VPS35L: variants seen among roughly 807,000 people sequenced by gnomAD.
VPS35L encodes VPS35 endosomal protein sorting factor like.
In VPS35L, 83 loss-of-function variants were observed where a neutral mutation model predicts 133.0. That is an observed-to-expected ratio of 0.62 (90% CI 0.52 to 0.75). VPS35L has a LOEUF of 0.75. VPS35L is among the 30% of genes least tolerant of loss of function. The pLI, the probability that VPS35L is intolerant of heterozygous loss-of-function variation, is 0.00. For missense variants in VPS35L, 1,083 were observed against 1,206.8 expected, an observed-to-expected ratio of 0.90 and a Z score of 1.52; for synonymous variants, 423 against 449.9, an observed-to-expected ratio of 0.94 and a Z score of 0.76.
chr16:19,674,426 GC>G (rs1462302860), intron 27 of VPS35L, among the ~76,000 whole-genome samples: 1 of 151,640 alleles, frequency 6.6e-6, no homozygotes, highest in African/African-American at 2.4e-5. Flanking sequence ...GAACTCCTGA[GC>G]TCAAGTGATC....
intron 19 of VPS35L, among the ~76,000 whole-genome samples, chr16:19,636,602 C>G (rs996433930): frequency 1.3e-5 from 2 of 152,164 alleles, no homozygotes; most frequent in Non-Finnish European, 2.9e-5. Flanking sequence ...CTTGACTGAC[C>G]TAGTAAGCTG....
intron 9 of VPS35L, among the ~76,000 whole-genome samples, chr16:19,602,728 C>T (rs1036061478): frequency 1.3e-5 from 2 of 152,008 alleles, no homozygotes; most frequent in African/African-American, 4.8e-5. Flanking sequence ...TCACCCTCCT[C>T]AGTAGCTGGG....
chr16:19,639,898 C>A lies in VPS35L; in HGVS notation c.1699-117C>A. On this transcript the variant is annotated intron_variant, in intron 20 of 30. Coordinates refer to ENST00000417362, the MANE Select transcript of VPS35L (RefSeq NM_020314.7). This position sits in a 1 kb window ranked among gnomAD's most constrained non-coding sequence, Gnocchi z 4.1. ...TCAGAGGAGTCCTCATCTGACCCGA[C>A]TCAGAGAGATGAACCTCTGTTCTGC... is the stretch of plus-strand genomic sequence containing the variant. The A allele has an allele frequency of 1.2e-6, 1 of 842,806 alleles. No individual in the cohort carries two copies. The highest frequency in any genetic ancestry group is 1.9e-6 in the Non-Finnish European group (1 of 536,080). 52.2% of individuals were successfully genotyped at this position (842,806 alleles called of 1,614,324 possible). A position where few individuals can be genotyped will look rare whatever the true frequency, so the allele number is the denominator to read the frequency against.
Position 19,573,117 on chromosome 16 carries a change from A to G in VPS35L, c.286-2A>G. ...TGAAGAGATTATCTTGCCTTTCTTTAGGACAGCTCCAGAAGGAAACGTGAT... is the reference window on the plus strand; with the variant it reads ...TGAAGAGATTATCTTGCCTTTCTTTGGGACAGCTCCAGAAGGAAACGTGAT... On this transcript the variant is annotated splice_acceptor_variant, in intron 3 of 30. Transcript: ENST00000417362. LOFTEE classifies it high-confidence loss of function. The G allele has an allele frequency of 6.2e-7, 1 of 1,613,098 alleles. No individual in the cohort carries two copies. The highest frequency in any genetic ancestry group is 8.5e-7 in the Non-Finnish European group (1 of 1,179,470).
intron 29 of VPS35L, among the ~76,000 whole-genome samples, chr16:19,693,486 A>C (rs1188120546): frequency 2.0e-5 from 3 of 152,068 alleles, no homozygotes; most frequent in Admixed American, 1.3e-4. Flanking sequence ...ATTAAAAAAA[A>C]AATTAAAAAT....
chr16:19,662,075 C>T (rs149042362), intron 26 of VPS35L, among the ~76,000 whole-genome samples: 62 of 152,182 alleles, frequency 4.1e-4, no homozygotes, highest in African/African-American at 1.2e-3. Flanking sequence ...TGATGGCGCA[C>T]GCCTGTAGTC....
chr16:19,699,365 C>A lies in VPS35L; in HGVS notation c.2647-137C>A. 9.1e-7 allele frequency: 1 copy of A among 1,101,294 alleles called. No homozygotes were observed. Among genetic ancestry groups the A allele is most frequent in the Non-Finnish European group, 1.3e-6 (1 of 776,100 alleles). The allele number at this position is 1,101,294 out of a possible 1,614,324, so 68.2% of individuals were successfully genotyped here. A position where few individuals can be genotyped will look rare whatever the true frequency, so the allele number is the denominator to read the frequency against. ...GGACTTTGGGAGGTTCAGCAGCTTG[C>A]CCTACAGCAAATACATGGCAGAGCT... On this transcript the variant is annotated intron_variant, in intron 29 of 30. Coordinates refer to ENST00000417362, the MANE Select transcript of VPS35L (RefSeq NM_020314.7). The surrounding 1 kb of genome is among the most constrained non-coding windows in gnomAD (Gnocchi z 4.2).
At position 19,587,589 on chromosome 16, in the gene VPS35L, G is replaced by A. The variant is rs892421516; in HGVS notation, c.640-4201G>A. The stretch of plus-strand genomic sequence containing the variant: ...GCGGAGGTTGCGGTGAGCCAAGATC[G>A]TGCCATTGCACTCCAGCCTGGGCAA... On this transcript the variant is annotated intron_variant, in intron 7 of 30. Coordinates refer to ENST00000417362, the MANE Select transcript of VPS35L (RefSeq NM_020314.7). Among the ~76,000 whole-genome samples the A allele has an allele frequency of 6.0e-5, 9 of 150,142 alleles. No homozygotes were observed. In the South Asian group the frequency reaches 1.1e-3, roughly 18 times the overall value.
rs1199142898 is a variant in VPS35L at position 19,628,626 on chromosome 16, AT to A, written c.1384-10del. 6.9e-7 allele frequency: 1 copy of A among 1,445,274 alleles called. No individual in the cohort carries two copies. The highest frequency in any genetic ancestry group is 1.8e-5 in the Admixed American group (1 of 54,866). 89.5% of individuals were successfully genotyped at this position (1,445,274 alleles called of 1,614,324 possible). On this transcript the variant is annotated splice_polypyrimidine_tract_variant and intron_variant, in intron 16 of 30. Coordinates refer to ENST00000417362, the MANE Select transcript of VPS35L (RefSeq NM_020314.7). ...AATTTCCATAACATGATGGTTTGACATGTTTCTTAGCATCTTCTTTTTCGAT... is the reference window on the plus strand; with the variant it reads ...AATTTCCATAACATGATGGTTTGACAGTTTCTTAGCATCTTCTTTTTCGAT...
In VPS35L at chr16:19,699,568, C is replaced by A; in HGVS notation, c.2713C>A (p.Arg905Ser). 3.1e-6 allele frequency: 5 copies of A among 1,614,154 alleles called. No homozygotes were observed. The highest frequency in any genetic ancestry group is 4.2e-6 in the Non-Finnish European group (5 of 1,180,028). ...CAGCATCTTGGCCCATGGGGACCTA[C>A]GCAACAACAAGCTCAACCAGCTCTC... ...FNSILAHGDLRNNKLNQLSVN... is the reference protein window; with the variant it reads ...FNSILAHGDLSNNKLNQLSVN... The change falls in exon 30 of 31, where the codon CGC (arginine) becomes AGC (serine). Residue 905 changes from arginine to serine, a missense_variant. By Grantham distance (110) the Arg-to-Ser change is moderately radical (BLOSUM62 -1). Transcript: ENST00000417362. This position sits in a 1 kb window ranked among gnomAD's most constrained non-coding sequence, Gnocchi z 4.2.
In VPS35L at chr16:19,616,281, G is replaced by A. The variant is rs193234020; in HGVS notation, c.1101+90G>A. 7.3e-6 allele frequency: 8 copies of A among 1,088,580 alleles called. No homozygotes were observed. In the Admixed American group the frequency reaches 1.3e-4, roughly 18 times the overall value. 67.4% of individuals were successfully genotyped at this position (1,088,580 alleles called of 1,614,324 possible). ...CCAGTTGGTTTTCCAAGTGGAGAAT[G>A]CCTTAAAGCTCTTTAAATGTGCAAG... On this transcript the variant is annotated intron_variant, in intron 13 of 30. Coordinates refer to ENST00000417362, the MANE Select transcript of VPS35L (RefSeq NM_020314.7).
intron 27 of VPS35L, among the ~76,000 whole-genome samples, chr16:19,677,105 A>G (rs1338496397): frequency 6.7e-6 from 1 of 149,310 alleles, no homozygotes; most frequent in African/African-American, 2.5e-5. Context: ...ATGCTCTGTC[A>G]CCCAGGCTAG....
chr16:19,652,512 A>T (rs903797701), intron 26 of VPS35L: 15 of 163,910 alleles, frequency 9.2e-5, no homozygotes, highest in Admixed American at 8.8e-4. Context: ...GAGGAAAGAA[A>T]AAAAAAGATG....
intron 4 of VPS35L, among the ~76,000 whole-genome samples, chr16:19,574,250 C>A (rs138959592): frequency 1.2e-3 from 182 of 152,300 alleles, no homozygotes; most frequent in African/African-American, 4.2e-3. Context: ...TTCTTTCTTG[C>A]TCCTCGGCTG....
At chr16:19,643,303 C>T (rs11866321) in intron 22 of VPS35L, among the ~76,000 whole-genome samples, 75,416 of 152,008 alleles carry the variant, frequency 0.5, 21,236 homozygotes, top group African/African-American at 0.78. Context: ...ATTCGTGAGA[C>T]ATTGGGTTTT....
chr16:19,615,879 A>G (rs945663036), intron 12 of VPS35L, among the ~76,000 whole-genome samples: 4 of 151,802 alleles, frequency 2.6e-5, no homozygotes, highest in Non-Finnish European at 5.9e-5. Context: ...AGGCAGGAGA[A>G]TCCCTTGAAC....
chr16:19,638,301 A>G (rs962482235), intron 20 of VPS35L, among the ~76,000 whole-genome samples: 2 of 152,168 alleles, frequency 1.3e-5, no homozygotes, highest in African/African-American at 4.8e-5. Flanking sequence ...CCACACTCCA[A>G]GCACTGTTCT....
Position 19,685,586 on chromosome 16 carries a change from C to T in VPS35L, c.2527+3196C>T, listed in dbSNP as rs567946215. 5.3e-5 allele frequency among the ~76,000 whole-genome samples: 8 copies of T among 152,238 alleles called. No individual in the cohort carries two copies. In the South Asian group the frequency reaches 1.7e-3, roughly 32 times the overall value. ...GCTCATAGGATCTGCTTATATTCTG[C>T]GTTGGAGGATACTGCCTCACAGTTT... On this transcript the variant is annotated intron_variant, in intron 28 of 30. Coordinates refer to ENST00000417362, the MANE Select transcript of VPS35L (RefSeq NM_020314.7).
chr16:19,688,812 G>A (rs977414575), intron 28 of VPS35L, among the ~76,000 whole-genome samples: 3 of 152,222 alleles, frequency 2.0e-5, no homozygotes, highest in Admixed American at 2.0e-4. Context: ...TCATGTGGGT[G>A]TGGAAGGAAA....
Sources: gnomAD v4.1 joint callset for allele counts (sites outside exome capture counted in the v4.1 genomes callset) on GRCh38, gnomAD v4.1.1 for gene constraint, Gnocchi (gnomAD v3.1) non-coding constraint, MANE v1.5 for transcripts, NCBI Gene and HGNC (gene_info 2026-07-23, HGNC 2026-07-21) for gene names.